Variants in SMIM17 observed in about 807,000 individuals in gnomAD.
The protein encoded by SMIM17 is small integral membrane protein 17.
Under a neutral mutation model 12.2 loss-of-function variants are expected in SMIM17, and 10 were observed. That is an observed-to-expected ratio of 0.82 (90% CI 0.50 to 1.39). The LOEUF (loss-of-function observed/expected upper bound fraction) is 1.39. Ranked by LOEUF, SMIM17 falls within the 40% of genes most tolerant of loss-of-function variation. The pLI, the probability that SMIM17 is intolerant of heterozygous loss-of-function variation, is 0.00. For synonymous variants in SMIM17, 50 were observed against 44.1 expected (o/e 1.13, Z -0.53); for missense variants, 136 against 118.2 (o/e 1.15, Z -0.70).
chr19:56,651,886 T>G (rs2045111810), intron 3 of SMIM17, among the ~76,000 whole-genome samples: 1 of 151,742 alleles, frequency 6.6e-6, no homozygotes, highest in African/African-American at 2.4e-5. Context: ...GGCGGATCGC[T>G]TAAGGTCATG....
intron 2 of SMIM17, 88 bp downstream of exon 2, chr19:56,645,924 A>C (rs1600615859): frequency 7.5e-7 from 1 of 1,338,494 alleles, no homozygotes; most frequent in East Asian, 2.6e-5. Flanking sequence ...TCACTCCTTC[A>C]CTCATCCATT....
At chr19:56,644,832 G>T (rs967956510) in intron 1 of SMIM17, among the ~76,000 whole-genome samples, 1 of 152,148 alleles carries the variant, frequency 6.6e-6, no homozygotes, top group Non-Finnish European at 1.5e-5. Context: ...GAGTGCAGTG[G>T]CACGATCCTA....
At chr19:56,647,728 GCC>G (rs2077919502) in intron 3 of SMIM17, 94 bp downstream of exon 3, 4 of 1,067,500 alleles carry the variant, frequency 3.7e-6, no homozygotes, top group Non-Finnish European at 5.5e-6. Flanking sequence ...GAATTTACCT[GCC>G]CCATAAAAAT....
At chr19:56,650,976 G>A (rs1203679081) in intron 3 of SMIM17, among the ~76,000 whole-genome samples, 2 of 152,216 alleles carry the variant, frequency 1.3e-5, no homozygotes, top group South Asian at 4.1e-4. Flanking sequence ...CCAGGGGGCT[G>A]ATAGGGGAGG....
At chr19:56,648,096 TCCA>T (rs2045079456) in intron 3 of SMIM17, among the ~76,000 whole-genome samples, 1 of 147,778 alleles carries the variant, frequency 6.8e-6, no homozygotes, top group African/African-American at 2.5e-5. Context: ...CATCCATCCA[TCCA>T]TCCATCCCTA....
chr19:56,643,421 G>T (rs1224275845), intron 1 of SMIM17, among the ~76,000 whole-genome samples: 1 of 152,196 alleles, frequency 6.6e-6, no homozygotes, highest in Non-Finnish European at 1.5e-5. Flanking sequence ...GGGGTCTGTC[G>T]GGGTCGGGTC....
In SMIM17 at chr19:56,647,459, T is replaced by C. The variant is rs534065796; in HGVS notation, c.170-99T>C. On this transcript the variant is annotated intron_variant, in intron 2 of 3. Transcript: ENST00000598409. Reference sequence around the variant, plus strand: ...AGAGAGAGAGAGAGAGAGGAGGCTATTACTAGAAAAGGGACAAGATGCCAG... The same window carrying C: ...AGAGAGAGAGAGAGAGAGGAGGCTACTACTAGAAAAGGGACAAGATGCCAG... 71 of 743,594 alleles carry C rather than the reference T, an allele frequency of 9.5e-5. No individual in the cohort carries two copies. The African/African-American group carries it at 1.3e-3, about 14-fold the overall frequency. The allele number at this position is 743,594 out of a possible 1,614,324, so 46.1% of individuals were successfully genotyped here.
chr19:56,650,999 C>T (rs925199378), intron 3 of SMIM17, among the ~76,000 whole-genome samples: 1 of 152,164 alleles, frequency 6.6e-6, no homozygotes, highest in African/African-American at 2.4e-5. Flanking sequence ...CTCTCATTGG[C>T]AGGCCCTGGG....
intron 2 of SMIM17, among the ~76,000 whole-genome samples, chr19:56,646,609 G>T (rs189124840): frequency 1.6e-4 from 24 of 152,284 alleles, no homozygotes; most frequent in African/African-American, 5.1e-4. Flanking sequence ...CTCACTGCAT[G>T]TGAGAATGGA....
chr19:56,651,270 C>T (rs747112963), intron 3 of SMIM17, among the ~76,000 whole-genome samples: 5 of 152,248 alleles, frequency 3.3e-5, no homozygotes, highest in African/African-American at 4.8e-5. Context: ...TGTCATGCAA[C>T]GTGTAAATGG....
chr19:56,651,472 C>T (rs965338387), intron 3 of SMIM17, among the ~76,000 whole-genome samples: 1 of 152,016 alleles, frequency 6.6e-6, no homozygotes, highest in African/African-American at 2.4e-5. Flanking sequence ...TCTGTGGGCA[C>T]AGAAGAAAGC....
At chr19:56,645,903 A>G (rs1310713665) in intron 2 of SMIM17, 67 bp downstream of exon 2, 7 of 1,431,722 alleles carry the variant, frequency 4.9e-6, no homozygotes, top group African/African-American at 4.3e-5. Context: ...GCCTAGGGAA[A>G]GACTAAACAT....
chr19:56,655,113 A>G lies in SMIM17; in HGVS notation c.257A>G (p.Glu86Gly). 1 of 693,400 alleles carries G rather than the reference A, an allele frequency of 1.4e-6. No homozygotes were observed. The highest frequency in any genetic ancestry group is 2.6e-6 in the Non-Finnish European group (1 of 379,426). The allele number at this position is 693,400 out of a possible 1,614,324, so 43.0% of individuals were successfully genotyped here. A position where few individuals can be genotyped will look rare whatever the true frequency, so the allele number is the denominator to read the frequency against. Reference protein sequence around the residue: ...DESEGSQGFVEWSKAPQQTTI... With the variant: ...DESEGSQGFVGWSKAPQQTTI... Reference sequence around the variant, plus strand: ...TTTTTTCTGTTTCAGGGCTTTGTGGAGTGGTCAAAAGCTCCACAACAAACA... The same window carrying G: ...TTTTTTCTGTTTCAGGGCTTTGTGGGGTGGTCAAAAGCTCCACAACAAACA... The change falls in exon 4 of 4, where the codon GAG (glutamate) becomes GGG (glycine). Residue 86 changes from glutamate to glycine, a missense_variant. By Grantham distance (98) the Glu-to-Gly change is moderately conservative. Transcript: ENST00000598409.
rs968880846 is a variant in SMIM17, at chr19:56,645,697, G to T, written c.30G>T (p.Arg10=). 2.6e-6 allele frequency: 4 copies of T among 1,534,652 alleles called. No homozygotes were observed. The African/African-American group carries it at 5.5e-5, about 21-fold the overall frequency. The change falls in exon 2 of 4, where the codon CGG becomes CGT. Residue 10 remains arginine, a synonymous_variant. Coordinates refer to ENST00000598409, the MANE Select transcript of SMIM17 (RefSeq NM_001193628.2). The part of the protein sequence containing the change: MQSLRPEQT[R]GLLEPERTKT... Reference sequence around the variant, plus strand: ...AGAGTCTCAGGCCTGAGCAGACACGGGGGCTGCTGGAGCCTGAGAGGACCA... The same window carrying T: ...AGAGTCTCAGGCCTGAGCAGACACGTGGGCTGCTGGAGCCTGAGAGGACCA...
intron 1 of SMIM17, among the ~76,000 whole-genome samples, chr19:56,644,431 G>T (rs183496397): frequency 6.6e-6 from 1 of 152,158 alleles, no homozygotes; most frequent in East Asian, 1.9e-4. Flanking sequence ...TTTGACTAAA[G>T]GTGTCTTCCT....
intron 3 of SMIM17, among the ~76,000 whole-genome samples, chr19:56,651,639 GTGAGAAGTTGGGGTAGTGGTTACCTT>G (rs2148043279): frequency 6.6e-6 from 1 of 152,254 alleles, no homozygotes; most frequent in East Asian, 1.9e-4. Context: ...CATCCATAGT[GTGAGAAGTTGGGGTAGTGGTTACCTT>G]TGAGGTGGGG....
intron 3 of SMIM17, among the ~76,000 whole-genome samples, chr19:56,652,671 A>AAG (rs112526874): frequency 0.091 from 13,614 of 150,266 alleles, 931 homozygotes; most frequent in African/African-American, 0.19. Context: ...AGAAAAAAAA[A>AAG]AGAGAGAGAG....
At chr19:56,652,960 A>G (rs919421736) in intron 3 of SMIM17, among the ~76,000 whole-genome samples, 3 of 152,230 alleles carry the variant, frequency 2.0e-5, no homozygotes, top group African/African-American at 7.2e-5. Context: ...TGGGTCTATT[A>G]TGTGTGATGT....
chr19:56,649,648 C>A (rs1811467178), intron 3 of SMIM17, among the ~76,000 whole-genome samples: 1 of 151,970 alleles, frequency 6.6e-6, no homozygotes, highest in Admixed American at 6.6e-5. Flanking sequence ...GGAGAGCGGG[C>A]TCTATGCAGA....
Sources: allele counts gnomAD v4.1 joint callset (sites outside exome capture counted in the v4.1 genomes callset), GRCh38; gene constraint gnomAD v4.1.1; transcripts MANE v1.5; gene names NCBI Gene and HGNC (gene_info 2026-07-23, HGNC 2026-07-21).